The following ITSN1 variants were observed in gnomAD, a reference collection of about 807,000 sequenced individuals.
ITSN1 encodes the protein intersectin-1.
In ITSN1, 58 loss-of-function variants were observed where a neutral mutation model predicts 239.8. That is an observed-to-expected ratio of 0.24 (90% CI 0.20 to 0.30). ITSN1 has a LOEUF of 0.30. Among genes scored for constraint, ITSN1 ranks in the 10% least tolerant of loss-of-function variants. The pLI, the probability that ITSN1 is intolerant of heterozygous loss-of-function variation, is 1.00. For missense variants in ITSN1, 1,558 were observed against 2,103.3 expected (o/e 0.74, Z 5.07); for synonymous variants, 780 against 770.8 (o/e 1.01, Z -0.20).
intron 22 of ITSN1, 29 bp downstream of exon 22, chr21:33,814,101 C>T (rs776261866): frequency 3.7e-6 from 6 of 1,608,228 alleles, no homozygotes; most frequent in African/African-American, 1.3e-5. Flanking sequence ...AGTGTGAAGA[C>T]TTAGCATGCT....
chr21:33,783,675 TTG>T (rs2070388387), intron 16 of ITSN1, among the ~76,000 whole-genome samples: 1 of 144,412 alleles, frequency 6.9e-6, no homozygotes, highest in African/African-American at 2.7e-5. Flanking sequence ...TCATTGTCAC[TTG>T]TCTCTTTTAT....
At chr21:33,774,664 T>G in intron 12 of ITSN1, 65 bp from the exon 13 acceptor site, 1 of 1,475,074 alleles carries the variant, frequency 6.8e-7, no homozygotes, top group Admixed American at 2.2e-5. Context: ...ATGCCATTTT[T>G]GTGAAAAGAC....
At chr21:33,862,746 T>C (rs1980864142) in intron 31 of ITSN1, among the ~76,000 whole-genome samples, 1 of 152,198 alleles carries the variant, frequency 6.6e-6, no homozygotes, top group South Asian at 2.1e-4. Flanking sequence ...GTTACCTCTG[T>C]CACCTATTAG....
At chr21:33,838,139 GT>G in intron 29 of ITSN1, 1 of 985,554 alleles carries the variant, frequency 1.0e-6, no homozygotes, top group Non-Finnish European at 1.2e-6. Flanking sequence ...AGCCCTGTTT[GT>G]CTTTTAAACA....
chr21:33,724,957 A>T (rs927334686), intron 4 of ITSN1, among the ~76,000 whole-genome samples: 1 of 151,700 alleles, frequency 6.6e-6, no homozygotes, highest in Non-Finnish European at 1.5e-5. Flanking sequence ...CCTGGCAAAG[A>T]CAACTGTCTT....
intron 14 of ITSN1, among the ~76,000 whole-genome samples, chr21:33,779,111 A>AT (rs1214322125): frequency 0.024 from 2,844 of 117,566 alleles, 50 homozygotes; most frequent in African/African-American, 0.048. Context: ...GGCTCTATTG[A>AT]TTTTTTTTTT....
At chr21:33,883,423 A>C in intron 35 of ITSN1, 127 bp from the exon 36 acceptor site, 1 of 1,275,262 alleles carries the variant, frequency 7.8e-7, no homozygotes, top group Non-Finnish European at 1.1e-6. Context: ...ACGAGTGTGC[A>C]CACACGCGCT....
intron 1 of ITSN1, among the ~76,000 whole-genome samples, chr21:33,680,187 T>TG (rs949369781): frequency 1.3e-5 from 2 of 152,202 alleles, no homozygotes; most frequent in South Asian, 4.1e-4. Flanking sequence ...GGGGAAGCAG[T>TG]GGGGGTTTTA....
chr21:33,810,507 T>C (rs920957964), intron 20 of ITSN1, among the ~76,000 whole-genome samples: 5 of 152,214 alleles, frequency 3.3e-5, no homozygotes, highest in African/African-American at 9.6e-5. Flanking sequence ...TAAATCTTCC[T>C]TGTCCTTATA....
intron 16 of ITSN1, among the ~76,000 whole-genome samples, chr21:33,793,836 G>T (rs2071334620): frequency 6.6e-6 from 1 of 152,204 alleles, no homozygotes; most frequent in African/African-American, 2.4e-5. Flanking sequence ...TGAGGTCAAA[G>T]AATTGAGGAG....
At chr21:33,802,531 A>G (rs1206285537) in intron 20 of ITSN1, 87 bp downstream of exon 20, 2 of 1,317,968 alleles carry the variant, frequency 1.5e-6, no homozygotes, top group Non-Finnish European at 2.2e-6. Context: ...AAGTACACGT[A>G]TCTCTGGGTG....
chr21:33,796,207 G>A (rs1159048913), intron 17 of ITSN1, among the ~76,000 whole-genome samples: 3 of 152,088 alleles, frequency 2.0e-5, no homozygotes, highest in Non-Finnish European at 4.4e-5. Flanking sequence ...TCCTGACCTC[G>A]TGATCTGCCC....
chr21:33,826,893 C>A, intron 26 of ITSN1, 30 bp downstream of exon 26: 1 of 1,586,958 alleles, frequency 6.3e-7, no homozygotes, highest in South Asian at 1.1e-5. Flanking sequence ...GCTTACTTTT[C>A]AATGTTTTGA....
chr21:33,752,254 A>G (rs2067606223), intron 7 of ITSN1, among the ~76,000 whole-genome samples: 1 of 152,102 alleles, frequency 6.6e-6, no homozygotes, highest in Non-Finnish European at 1.5e-5. Context: ...TTATGTGTTT[A>G]TGATTTACAA....
intron 14 of ITSN1, among the ~76,000 whole-genome samples, chr21:33,776,305 A>G (rs1223591338): frequency 1.3e-5 from 2 of 151,728 alleles, no homozygotes; most frequent in Non-Finnish European, 2.9e-5. Context: ...TAAACCCAAT[A>G]CTTTGAGAGG....
Position 33,739,337 on chromosome 21 carries a change from A to T in ITSN1, c.346+4133A>T, listed in dbSNP as rs79738644. On this transcript the variant is annotated intron_variant, in intron 5 of 39. Transcript: ENST00000381318. ...AATTCTTTTGTTCTGGACCCAGCTTATACAGGAGGAGTCTGTTTTTCTTTT... is the reference window on the plus strand; with the variant it reads ...AATTCTTTTGTTCTGGACCCAGCTTTTACAGGAGGAGTCTGTTTTTCTTTT... 4.2e-4 allele frequency among the ~76,000 whole-genome samples: 64 copies of T among 152,244 alleles called. No individual in the cohort carries two copies. The East Asian group carries it at 0.012, about 29-fold the overall frequency.
At chr21:33,690,767 A>C (rs1350058902) in intron 1 of ITSN1, among the ~76,000 whole-genome samples, 1 of 94,140 alleles carries the variant, frequency 1.1e-5, no homozygotes, top group African/African-American at 4.6e-5. Flanking sequence ...CCTCAGAAAA[A>C]AAAAAGTGTA....
chr21:33,778,264 G>A (rs1379789863), intron 14 of ITSN1, among the ~76,000 whole-genome samples: 1 of 152,044 alleles, frequency 6.6e-6, no homozygotes, highest in Non-Finnish European at 1.5e-5. Context: ...TAATATTCTT[G>A]TCTAGTTTTG....
At chr21:33,832,835 C>A (rs1457356552) in intron 27 of ITSN1, among the ~76,000 whole-genome samples, 18 of 152,132 alleles carry the variant, frequency 1.2e-4, no homozygotes, top group Admixed American at 7.2e-4. Flanking sequence ...GGTGGGAGGG[C>A]AGAGGTAATG....
Sources: gnomAD v4.1 joint callset for allele counts (sites outside exome capture counted in the v4.1 genomes callset) on GRCh38, gnomAD v4.1.1 for gene constraint, MANE v1.5 for transcripts, NCBI Gene and HGNC (gene_info 2026-07-23, HGNC 2026-07-21) for gene names.